Variants in RIMBP2 observed in about 807,000 individuals in gnomAD.
The protein encoded by RIMBP2 is RIMS binding protein 2, also known as RIMS-binding protein 2.
A neutral mutation model predicts 118.6 loss-of-function variants in RIMBP2; 48 were observed. The observed-to-expected ratio is 0.40, with a 90% CI of 0.32 to 0.51. The LOEUF (loss-of-function observed/expected upper bound fraction) is 0.51, where lower values mean the gene tolerates loss of function less well. Among genes scored for constraint, RIMBP2 ranks in the 20% least tolerant of loss-of-function variants. The probability of loss-of-function intolerance (pLI) is 0.41; values close to 1 mark genes in which losing one functional copy is unlikely to be tolerated. For missense variants in RIMBP2, 1,551 were observed against 1,768.3 expected (o/e 0.88, Z 2.20); for synonymous variants, 762 against 742.9 (o/e 1.03, Z -0.42).
At chr12:130,601,932 A>AG (rs2059902858) in intron 2 of RIMBP2, among the ~76,000 whole-genome samples, 2 of 152,220 alleles carry the variant, frequency 1.3e-5, no homozygotes, top group Admixed American at 1.3e-4. Context: ...GAAGGAATAA[A>AG]GGGACAGCTC....
chr12:130,635,922 C>T (rs577737142), intron 1 of RIMBP2, among the ~76,000 whole-genome samples: 31 of 152,220 alleles, frequency 2.0e-4, no homozygotes, highest in African/African-American at 7.2e-4. Flanking sequence ...CTACTGTCTT[C>T]TCCACACAGC....
chr12:130,424,463 G>A lies in RIMBP2; in HGVS notation c.2808C>T (p.Asn936=). Reference sequence around the variant, plus strand: ...GGCCTGGGCTGCACGCGGCCACGGTGTTTCCGAAGCCAAACCGCGACTCGT... The same window carrying A: ...GGCCTGGGCTGCACGCGGCCACGGTATTTCCGAAGCCAAACCGCGACTCGT... ...EEDESRFGFG[N]TVAACSPGPG... The change falls in exon 16 of 23, where the codon AAC becomes AAT. Residue 936 remains asparagine, a synonymous_variant. Transcript: ENST00000690449. This position sits in a 1 kb window ranked among gnomAD's most constrained non-coding sequence, Gnocchi z 9.8. 1 of 1,232,124 alleles carries A rather than the reference G, an allele frequency of 8.1e-7. No homozygotes were observed. Among genetic ancestry groups the A allele is most frequent in the Non-Finnish European group, 1.0e-6 (1 of 987,826 alleles). The allele number at this position is 1,232,124 out of a possible 1,614,324, so 76.3% of individuals were successfully genotyped here.
Position 130,685,995 on chromosome 12 carries a change from C to A in RIMBP2, c.-352+30227G>T, listed in dbSNP as rs150287980. Among the ~76,000 whole-genome samples, 547 of 152,270 alleles carry A rather than the reference C, an allele frequency of 3.6e-3. 1 individual carries two copies. The highest frequency in any genetic ancestry group is 0.01 in the Middle Eastern group (3 of 294). The stretch of plus-strand genomic sequence containing the variant: ...GCATCCCCCCGGGGAGCAGATGCAC[C>A]CCAAGGCAGGACTTTCTCCCATCTG... On this transcript the variant is annotated intron_variant, in intron 1 of 22. Coordinates refer to ENST00000690449, the MANE Select transcript of RIMBP2 (RefSeq NM_001393629.1).
rs553578306 is a variant in RIMBP2, at chr12:130,523,179, C to G, written c.-216-5262G>C. ...TCTGTCTGTGTCTCTGTTTCTCTGCCTCTCTGTCTCTATTTCTCTGTGTTG... is the reference window on the plus strand; with the variant it reads ...TCTGTCTGTGTCTCTGTTTCTCTGCGTCTCTGTCTCTATTTCTCTGTGTTG... On this transcript the variant is annotated intron_variant, in intron 2 of 22. Coordinates refer to ENST00000690449, the MANE Select transcript of RIMBP2 (RefSeq NM_001393629.1). The surrounding 1 kb of genome is among the most constrained non-coding windows in gnomAD (Gnocchi z 4.4). 1.8e-4 allele frequency among the ~76,000 whole-genome samples: 27 copies of G among 152,226 alleles called. No homozygotes were observed. The highest frequency in any genetic ancestry group is 5.5e-4 in the African/African-American group (23 of 41,522).
intron 13 of RIMBP2, among the ~76,000 whole-genome samples, chr12:130,436,167 G>A (rs1486792397): frequency 2.0e-5 from 3 of 152,194 alleles, no homozygotes; most frequent in African/African-American, 7.2e-5. Flanking sequence ...TGCACGGGGG[G>A]CATTGCTCTG....
At chr12:130,656,079 G>A (rs1045346194) in intron 1 of RIMBP2, among the ~76,000 whole-genome samples, 5 of 152,344 alleles carry the variant, frequency 3.3e-5, no homozygotes, top group Middle Eastern at 3.4e-3. Context: ...GGTGGAGGGT[G>A]GGGAGAAGGG....
chr12:130,610,419 A>C (rs2060453828), intron 2 of RIMBP2, among the ~76,000 whole-genome samples: 1 of 152,230 alleles, frequency 6.6e-6, no homozygotes, highest in Non-Finnish European at 1.5e-5. Context: ...ATGCTTGTAT[A>C]ATACTTAACA....
chr12:130,456,741 T>C, intron 6 of RIMBP2, 41 bp from the exon 7 acceptor site: 2 of 1,508,674 alleles, frequency 1.3e-6, no homozygotes, highest in Non-Finnish European at 1.8e-6. Flanking sequence ...CGGTGGCATT[T>C]GGTGGTGGAA....
chr12:130,435,258 G>A (rs1485813067), intron 13 of RIMBP2, among the ~76,000 whole-genome samples: 1 of 152,018 alleles, frequency 6.6e-6, no homozygotes, highest in Non-Finnish European at 1.5e-5. Flanking sequence ...TGGTCAGGCT[G>A]GTCTCAAACT....
At position 130,397,228 on chromosome 12, in the gene RIMBP2, T is replaced by G. The variant is rs1197392433; in HGVS notation, c.*133A>C. On this transcript the variant is annotated 3_prime_UTR_variant, in exon 23 of 23. Transcript: ENST00000690449. ...GTGGTTGGTTTAAAGTGGTTGGTAG[T>G]GCAAAAGTGCATTTCTCTACTGGTG... The G allele has an allele frequency of 2.6e-6, 1 of 391,022 alleles. No individual in the cohort carries two copies. The highest frequency in any genetic ancestry group is 4.5e-6 in the Non-Finnish European group (1 of 221,656). The allele number at this position is 391,022 out of a possible 1,614,324, so 24.2% of individuals were successfully genotyped here. A position where few individuals can be genotyped will look rare whatever the true frequency, so the allele number is the denominator to read the frequency against.
intron 2 of RIMBP2, among the ~76,000 whole-genome samples, chr12:130,524,936 C>G (rs775236609): frequency 2.0e-5 from 3 of 152,120 alleles, no homozygotes; most frequent in Non-Finnish European, 4.4e-5. Context: ...CGTTCGGTTG[C>G]GCTGGGGCTT....
chr12:130,649,736 G>T (rs942474880), intron 1 of RIMBP2, among the ~76,000 whole-genome samples: 3 of 152,132 alleles, frequency 2.0e-5, no homozygotes, highest in Non-Finnish European at 4.4e-5. Flanking sequence ...GAAAATCAGA[G>T]ATGTGGTCTC....
intron 21 of RIMBP2, among the ~76,000 whole-genome samples, chr12:130,404,174 A>T (rs1186317561): frequency 6.6e-6 from 1 of 152,250 alleles, no homozygotes; most frequent in Non-Finnish European, 1.5e-5. Flanking sequence ...AAATAAATGC[A>T]TTCAGAAAAA....
intron 11 of RIMBP2, among the ~76,000 whole-genome samples, chr12:130,440,824 G>A (rs1054589756): frequency 2.0e-5 from 3 of 152,214 alleles, no homozygotes; most frequent in East Asian, 1.9e-4. Context: ...CCACTGCTCT[G>A]TCAGGCTCTA....
intron 1 of RIMBP2, among the ~76,000 whole-genome samples, chr12:130,692,801 G>T (rs553037035): frequency 2.8e-4 from 39 of 141,726 alleles, no homozygotes; most frequent in Non-Finnish European, 5.0e-4. Flanking sequence ...AAATAGAATG[G>T]AAAAGTGGGA....
Position 130,406,184 on chromosome 12 carries a change from A to G in RIMBP2, c.3753T>C (p.Asp1251=), listed in dbSNP as rs1223208450. Reference sequence around the variant, plus strand: ...TTCAAAAACTTACATAATAAAATCCATCTTCATCAATTTCACCAAAAACTG... The same window carrying G: ...TTCAAAAACTTACATAATAAAATCCGTCTTCATCAATTTCACCAAAAACTG... The part of the protein sequence containing the change: ...IITVFGEIDE[D]GFYYGELNGQ... Residue 1251 remains aspartate (D), a synonymous_variant, in exon 21 of 23, where the codon GAT becomes GAC. Coordinates refer to ENST00000690449, the MANE Select transcript of RIMBP2 (RefSeq NM_001393629.1). 3 of 1,576,702 alleles carry G rather than the reference A, an allele frequency of 1.9e-6. No homozygotes were observed. Among genetic ancestry groups the G allele is most frequent in the Non-Finnish European group, 8.7e-7 (1 of 1,147,808 alleles).
chr12:130,613,127 G>A (rs150186035), intron 2 of RIMBP2, among the ~76,000 whole-genome samples: 53 of 152,334 alleles, frequency 3.5e-4, no homozygotes, highest in African/African-American at 1.2e-3. Flanking sequence ...TTGGAAAGTC[G>A]CATCTGTCAG....
intron 4 of RIMBP2, among the ~76,000 whole-genome samples, chr12:130,493,458 G>C (rs562400130): frequency 6.6e-6 from 1 of 152,144 alleles, no homozygotes; most frequent in African/African-American, 2.4e-5. Context: ...GGGATTACAG[G>C]CGTGTACCAC....
At position 130,397,029 on chromosome 12, in the gene RIMBP2, G is replaced by C. The variant is rs2074120801; in HGVS notation, c.*332C>G. 1 of 180,102 alleles carries C rather than the reference G, an allele frequency of 5.6e-6. No homozygotes were observed. Among genetic ancestry groups the C allele is most frequent in the Admixed American group, 6.2e-5 (1 of 16,108 alleles). The allele number at this position is 180,102 out of a possible 1,614,324, so 11.2% of individuals were successfully genotyped here. A position where few individuals can be genotyped will look rare whatever the true frequency, so the allele number is the denominator to read the frequency against. ...GAAAGGTTGAAAATCATTCCTTTAA[G>C]GGCAGATGACAAATGCACAAAGACT... On this transcript the variant is annotated 3_prime_UTR_variant, in exon 23 of 23. Coordinates refer to ENST00000690449, the MANE Select transcript of RIMBP2 (RefSeq NM_001393629.1).
Sources: allele counts gnomAD v4.1 joint callset (sites outside exome capture counted in the v4.1 genomes callset), GRCh38; gene constraint gnomAD v4.1.1; non-coding constraint Gnocchi (gnomAD v3.1); transcripts MANE v1.5; gene names NCBI Gene and HGNC (gene_info 2026-07-23, HGNC 2026-07-21).